Variants in TBC1D9B observed in about 807,000 individuals in gnomAD.
TBC1D9B encodes TBC1 domain family member 9B, also known as TBC1 domain family, member 9B (with GRAM domain).
Under a neutral mutation model 121.1 loss-of-function variants are expected in TBC1D9B, and 87 were observed. That is an observed-to-expected ratio of 0.72 (90% CI 0.60 to 0.86). The LOEUF is 0.86. TBC1D9B is among the 40% of genes least tolerant of loss of function. The pLI is 0.00. For synonymous variants in TBC1D9B, 668 were observed against 670.1 expected, an observed-to-expected ratio of 1.00 and a Z score of 0.05; for missense variants, 1,540 against 1,628.6, an observed-to-expected ratio of 0.95 and a Z score of 0.94.
intron 8 of TBC1D9B, 41 bp downstream of exon 8, chr5:179,879,587 C>T (rs779677558): frequency 2.9e-5 from 46 of 1,612,860 alleles, no homozygotes; most frequent in Non-Finnish European, 3.5e-5. Flanking sequence ...CTGAGGGCTC[C>T]GCTCTTGACG....
At chr5:179,899,523 A>C (rs1463023900) in intron 2 of TBC1D9B, among the ~76,000 whole-genome samples, 4 of 152,214 alleles carry the variant, frequency 2.6e-5, no homozygotes, top group Non-Finnish European at 5.9e-5. Context: ...TCCAGGCTGA[A>C]TCACAGTCGT....
Position 179,878,404 on chromosome 5 carries a change from C to A in TBC1D9B, c.1687G>T (p.Glu563Ter), listed in dbSNP as rs765403238. The A allele has an allele frequency of 9.3e-6, 15 of 1,613,682 alleles. No individual in the cohort carries two copies. Among genetic ancestry groups the A allele is most frequent in the Non-Finnish European group, 1.3e-5 (15 of 1,179,888 alleles). Residue 563 changes from glutamate to a stop codon, truncating the protein, a stop_gained, in exon 10 of 21, where the codon GAG (glutamate) becomes TAG (stop). Coordinates refer to ENST00000355235, the MANE Select transcript of TBC1D9B (RefSeq NM_015043.4). LOFTEE classifies it high-confidence loss of function. ...IERDLHRSMP[E>*]HPAFQNELGI... ...AGCTCGTTCTGGAAGGCAGGGTGCT[C>A]GGGCATGGAGCGGTGCAGGTCTCGC... is the stretch of plus-strand genomic sequence containing the variant.
At chr5:179,880,122 G>A (rs1459156571) in intron 7 of TBC1D9B, 106 of 340,810 alleles carry the variant, frequency 3.1e-4, no homozygotes, top group Non-Finnish European at 6.4e-5. Flanking sequence ...TCCTAACGTG[G>A]AGGCACACCC....
In TBC1D9B at chr5:179,899,206, C is replaced by T. The variant is rs150660671; in HGVS notation, c.331G>A (p.Val111Ile). ...AACCTTACGTGTATCTTGCCCTTGA[C>T]GAAGGTGGTGATATCTTCCTCACTG... ...FDSEEDITTF[V>I]KGKIHGIIAE... The change falls in exon 3 of 21, where the codon GTC becomes ATC. Residue 111 changes from valine (V) to isoleucine (I), a missense_variant. By Grantham distance (29) the Val-to-Ile change is conservative (BLOSUM62 3). Transcript: ENST00000355235. The T allele has an allele frequency of 1.2e-5, 20 of 1,612,776 alleles. No homozygotes were observed. The highest frequency in any genetic ancestry group is 4.0e-5 in the African/African-American group (3 of 74,804).
Position 179,899,231 on chromosome 5 carries a change from GT to G in TBC1D9B, c.305del (p.Asp102AlafsTer41). 1.2e-6 allele frequency: 2 copies of G among 1,613,922 alleles called. No individual in the cohort carries two copies. The highest frequency in any genetic ancestry group is 4.5e-5 in the East Asian group (2 of 44,874). On this transcript the variant is annotated frameshift_variant, in exon 3 of 21. Transcript: ENST00000355235. LOFTEE classifies it high-confidence loss of function. The stretch of plus-strand genomic sequence containing the variant: ...CGAAGGTGGTGATATCTTCCTCACT[GT>G]CGAAGATGGACAGTGTCTGGAGCAA... The part of the protein sequence containing the change: ...NNLLQTLSIF[D>X]SEEDITTFVK...
chr5:179,869,687 G>A, intron 17 of TBC1D9B, 82 bp downstream of exon 17: 1 of 1,497,546 alleles, frequency 6.7e-7, no homozygotes, highest in Non-Finnish European at 9.2e-7. Flanking sequence ...AGGCCCCACA[G>A]TCTCACAGAG....
chr5:179,864,211 C>T, intron 20 of TBC1D9B, 83 bp from the exon 21 acceptor site: 1 of 1,370,062 alleles, frequency 7.3e-7, no homozygotes, highest in South Asian at 1.5e-5. Context: ...TGATGACAAG[C>T]ACCAGCCTAA....
intron 18 of TBC1D9B, 35 bp downstream of exon 18, chr5:179,867,743 G>C: frequency 6.2e-7 from 1 of 1,602,156 alleles, no homozygotes; most frequent in Non-Finnish European, 8.5e-7. Flanking sequence ...GCAGAGTGCT[G>C]GCTGGGCATG....
chr5:179,907,633 C>T lies in TBC1D9B; in HGVS notation c.118+71G>A. 1.2e-6 allele frequency: 1 copy of T among 850,668 alleles called. No individual in the cohort carries two copies. The highest frequency in any genetic ancestry group is 1.4e-6 in the Non-Finnish European group (1 of 709,546). The allele number at this position is 850,668 out of a possible 1,614,324, so 52.7% of individuals were successfully genotyped here. A position where few individuals can be genotyped will look rare whatever the true frequency, so the allele number is the denominator to read the frequency against. On this transcript the variant is annotated intron_variant, in intron 1 of 20. Coordinates refer to ENST00000355235, the MANE Select transcript of TBC1D9B (RefSeq NM_015043.4). This position sits in a 1 kb window ranked among gnomAD's most constrained non-coding sequence, Gnocchi z 5.3. ...GCCGGGCCGGAACCGGACCCGCCCGCCGCCCGCCGCCAGCCCCGCCGCCAG... is the reference window on the plus strand; with the variant it reads ...GCCGGGCCGGAACCGGACCCGCCCGTCGCCCGCCGCCAGCCCCGCCGCCAG...
intron 9 of TBC1D9B, 112 bp from the exon 10 acceptor site, chr5:179,878,635 G>A (rs1760434241): frequency 6.6e-6 from 7 of 1,056,214 alleles, no homozygotes; most frequent in Non-Finnish European, 9.6e-6. Flanking sequence ...GGGACTTGGG[G>A]TCAAGCACAA....
Position 179,863,333 on chromosome 5 carries a change from TG to T in TBC1D9B, c.*114del. 1 of 1,234,060 alleles carries T rather than the reference TG, an allele frequency of 8.1e-7. No homozygotes were observed. The highest frequency in any genetic ancestry group is 1.1e-6 in the Non-Finnish European group (1 of 891,936). 76.4% of individuals were successfully genotyped at this position (1,234,060 alleles called of 1,614,324 possible). A position where few individuals can be genotyped will look rare whatever the true frequency, so the allele number is the denominator to read the frequency against. Reference sequence around the variant, plus strand: ...CTTTCCACTCACAACTCACTGCTCCTGGGAGAGCAGGAGGGGCACACCTTTA... The same window carrying T: ...CTTTCCACTCACAACTCACTGCTCCTGGAGAGCAGGAGGGGCACACCTTTA... On this transcript the variant is annotated 3_prime_UTR_variant, in exon 21 of 21. Transcript: ENST00000355235. This position sits in a 1 kb window ranked among gnomAD's most constrained non-coding sequence, Gnocchi z 4.5.
Position 179,879,782 on chromosome 5 carries a change from G to A in TBC1D9B, c.1262C>T (p.Pro421Leu). 6.2e-7 allele frequency: 1 copy of A among 1,609,786 alleles called. No homozygotes were observed. The highest frequency in any genetic ancestry group is 8.5e-7 in the Non-Finnish European group (1 of 1,178,132). The change falls in exon 8 of 21, where the codon CCA becomes CTA. Residue 421 changes from proline to leucine, a missense_variant. Transcript: ENST00000355235. Reference sequence around the variant, plus strand: ...CTGCTCCGACCCCTCCTGAGGAGCTGGGGAAGACTAGAAAATAAAACAGGG... The same window carrying A: ...CTGCTCCGACCCCTCCTGAGGAGCTAGGGAAGACTAGAAAATAAAACAGGG... The part of the protein sequence containing the change: ...SVVDPSTESS[P>L]APQEGSEQPA...
In TBC1D9B at chr5:179,902,348, G is replaced by A. The variant is rs1761187692; in HGVS notation, c.229+2354C>T. ...CCAGGCTGTGAGCTGGGGAGACAAG[G>A]CCAGAAATGGAGGCAGGCAGACCCC... On this transcript the variant is annotated intron_variant, in intron 2 of 20. Transcript: ENST00000355235. This position sits in a 1 kb window ranked among gnomAD's most constrained non-coding sequence, Gnocchi z 4.9. 6.6e-6 allele frequency among the ~76,000 whole-genome samples: 1 copy of A among 152,190 alleles called. No homozygotes were observed. The highest frequency in any genetic ancestry group is 6.5e-5 in the Admixed American group (1 of 15,288).
rs1245053810 is a variant in TBC1D9B at position 179,907,842 on chromosome 5, G to A, written c.-21C>T. 9.2e-7 allele frequency: 1 copy of A among 1,088,036 alleles called. No homozygotes were observed. The highest frequency in any genetic ancestry group is 1.1e-6 in the Non-Finnish European group (1 of 886,464). 67.4% of individuals were successfully genotyped at this position (1,088,036 alleles called of 1,614,324 possible). A position where few individuals can be genotyped will look rare whatever the true frequency, so the allele number is the denominator to read the frequency against. ...CACATCGCGGAGCCGCTCGCACCGG[G>A]CCGAGGCCCGCGAGACGGAAGCGCC... On this transcript the variant is annotated 5_prime_UTR_variant, in exon 1 of 21. Transcript: ENST00000355235. This position sits in a 1 kb window ranked among gnomAD's most constrained non-coding sequence, Gnocchi z 5.3.
intron 1 of TBC1D9B, among the ~76,000 whole-genome samples, chr5:179,905,436 G>A (rs1761284754): frequency 6.6e-6 from 1 of 151,790 alleles, no homozygotes; most frequent in African/African-American, 2.4e-5. Context: ...GTTTCTTTTA[G>A]CCTCAAAAAA....
rs1340371364 is a variant in TBC1D9B at position 179,885,782 on chromosome 5, C to T, written c.1254+2321G>A. The stretch of plus-strand genomic sequence containing the variant: ...AATCCACTGTCAACATGGACGGCCA[C>T]AGTAACCCCATTAACACGTAAACAG... On this transcript the variant is annotated intron_variant, in intron 7 of 20. Coordinates refer to ENST00000355235, the MANE Select transcript of TBC1D9B (RefSeq NM_015043.4). The surrounding 1 kb of genome is among the most constrained non-coding windows in gnomAD (Gnocchi z 4.5). Among the ~76,000 whole-genome samples the T allele has an allele frequency of 6.6e-6, 1 of 152,172 alleles. No homozygotes were observed. Among genetic ancestry groups the T allele is most frequent in the Non-Finnish European group, 1.5e-5 (1 of 68,030 alleles).
intron 7 of TBC1D9B, among the ~76,000 whole-genome samples, chr5:179,886,301 T>C (rs1760682629): frequency 6.6e-6 from 1 of 152,216 alleles, no homozygotes; most frequent in East Asian, 1.9e-4. Flanking sequence ...GTTCTACTCC[T>C]GGGGCCTAGA....
At chr5:179,884,183 A>G (rs1034654044) in intron 7 of TBC1D9B, among the ~76,000 whole-genome samples, 1 of 152,206 alleles carries the variant, frequency 6.6e-6, no homozygotes, top group African/African-American at 2.4e-5. Flanking sequence ...ATTAATAAAA[A>G]AAAGCCTCCT....
At chr5:179,901,772 AC>A (rs1224262929) in intron 2 of TBC1D9B, among the ~76,000 whole-genome samples, 2 of 152,372 alleles carry the variant, frequency 1.3e-5, no homozygotes, top group Admixed American at 6.5e-5. Context: ...CCTCAAAAAA[AC>A]ATTTCTTTTT....
Sources: gnomAD v4.1 joint callset for allele counts (sites outside exome capture counted in the v4.1 genomes callset) on GRCh38, gnomAD v4.1.1 for gene constraint, Gnocchi (gnomAD v3.1) non-coding constraint, MANE v1.5 for transcripts, NCBI Gene and HGNC (gene_info 2026-07-23, HGNC 2026-07-21) for gene names.